PLCZ1: variants seen among roughly 807,000 people sequenced by gnomAD.
PLCZ1 encodes the protein 1-phosphatidylinositol 4,5-bisphosphate phosphodiesterase zeta-1.
Under a neutral mutation model 76.8 loss-of-function variants are expected in PLCZ1, and 64 were observed. That is an observed-to-expected ratio of 0.83 (90% CI 0.68 to 1.03). The LOEUF is 1.03. PLCZ1 is among the 50% of genes least tolerant of loss of function. PLCZ1 has a pLI of 0.00. For missense variants in PLCZ1, 751 were observed against 713.7 expected (o/e 1.05, Z -0.60); for synonymous variants, 248 against 230.8 (o/e 1.07, Z -0.68).
intron 4 of PLCZ1, among the ~76,000 whole-genome samples, chr12:18,721,655 T>C (rs1198952947): frequency 6.7e-6 from 1 of 150,052 alleles, no homozygotes; most frequent in Non-Finnish European, 1.5e-5. Context: ...GGCAATGACA[T>C]AAAGAGCTTG....
At chr12:18,686,295 G>A (rs181170413) in intron 13 of PLCZ1, among the ~76,000 whole-genome samples, 1 of 151,932 alleles carries the variant, frequency 6.6e-6, no homozygotes, top group African/African-American at 2.4e-5. Context: ...TAAAGTTATA[G>A]CCCTACTTAA....
chr12:18,721,416 G>A (rs2129504), intron 4 of PLCZ1, among the ~76,000 whole-genome samples: 67,118 of 151,808 alleles, frequency 0.44, 17,660 homozygotes, highest in East Asian at 0.66. Context: ...GGCTGTGTTG[G>A]AGAGTATTTG....
At chr12:18,684,096 G>T (rs1231116415) in intron 14 of PLCZ1, 34 bp downstream of exon 14, 15 of 1,604,506 alleles carry the variant, frequency 9.3e-6, no homozygotes, top group Non-Finnish European at 1.0e-5. Flanking sequence ...ATATTTAAAT[G>T]CTGGTACAAT....
intron 12 of PLCZ1, among the ~76,000 whole-genome samples, chr12:18,689,169 A>G (rs978409655): frequency 3.9e-5 from 6 of 152,140 alleles, no homozygotes; most frequent in African/African-American, 1.4e-4. Context: ...CCATAAACAT[A>G]TAGTACACTG....
At chr12:18,662,052 C>T in the PLCZ1 span, among the ~76,000 whole-genome samples, 4 of 152,086 alleles carry the variant, frequency 2.6e-5, no homozygotes, top group African/African-American at 4.8e-5. Context: ...CGTGTTCTCC[C>T]GTATTAAGTA....
the PLCZ1 span, among the ~76,000 whole-genome samples, chr12:18,655,700 T>C: frequency 0.79 from 119,934 of 151,456 alleles, 47,546 homozygotes; most frequent in Admixed American, 0.82. Flanking sequence ...AAAGTGGCAC[T>C]TTACCTCTGA....
chr12:18,692,634 A>G, intron 12 of PLCZ1: 1 of 597,922 alleles, frequency 1.7e-6, no homozygotes, highest in East Asian at 2.9e-5. Flanking sequence ...GCAATGGGGC[A>G]GGAGGACTAA....
chr12:18,708,807 T>C (rs768207736), intron 6 of PLCZ1, among the ~76,000 whole-genome samples: 1 of 152,206 alleles, frequency 6.6e-6, no homozygotes, highest in Admixed American at 6.5e-5. Context: ...CATTTTTATG[T>C]CTTCTTTGGA....
At chr12:18,678,030 T>C in the PLCZ1 span, among the ~76,000 whole-genome samples, 2,456 of 152,238 alleles carry the variant, frequency 0.016, 68 homozygotes, top group African/African-American at 0.057. Context: ...ATTGGTTAAA[T>C]GAATGACATT....
intron 10 of PLCZ1, among the ~76,000 whole-genome samples, chr12:18,699,486 C>A (rs1955590030): frequency 6.6e-6 from 1 of 152,128 alleles, no homozygotes; most frequent in Non-Finnish European, 1.5e-5. Context: ...GGCTCTGCCT[C>A]CCTCTGCAGC....
chr12:18,695,096 T>A lies in PLCZ1; in HGVS notation c.1292-17A>T. 6.2e-7 allele frequency: 1 copy of A among 1,608,082 alleles called. No homozygotes were observed. The highest frequency in any genetic ancestry group is 2.2e-5 in the East Asian group (1 of 44,734). ...TTAAAGCCACTGTAAGAAAGAAGTA[T>A]TTTGACATTGTCAGGTAATAGAGAA... On this transcript the variant is annotated splice_polypyrimidine_tract_variant and intron_variant, in intron 11 of 14. Transcript: ENST00000266505.
chr12:18,662,974 C>A, the PLCZ1 span, among the ~76,000 whole-genome samples: 79,561 of 151,658 alleles, frequency 0.52, 21,912 homozygotes, highest in South Asian at 0.67. Flanking sequence ...CATGTAGAAA[C>A]CAAATAGAAA....
At chr12:18,678,215 G>A (rs1013704948), downstream of PLCZ1, among the ~76,000 whole-genome samples, 9 of 152,110 alleles carry the variant, frequency 5.9e-5, no homozygotes, top group Admixed American at 2.6e-4. Flanking sequence ...GGCTAATACT[G>A]CTGTTAGAAC....
chr12:18,660,388 C>G, the PLCZ1 span, among the ~76,000 whole-genome samples: 3 of 152,118 alleles, frequency 2.0e-5, no homozygotes, highest in Non-Finnish European at 4.4e-5. Context: ...TGCAACTCCT[C>G]CTTTGTTGCA....
At chr12:18,698,341 T>A (rs928881209) in intron 10 of PLCZ1, among the ~76,000 whole-genome samples, 1 of 151,848 alleles carries the variant, frequency 6.6e-6, no homozygotes, top group Non-Finnish European at 1.5e-5. Context: ...TACTCTATTC[T>A]ATTCTATTAT....
intron 12 of PLCZ1, among the ~76,000 whole-genome samples, chr12:18,692,011 T>C (rs1954167851): frequency 6.6e-6 from 1 of 152,056 alleles, no homozygotes. Flanking sequence ...GAGTGTAGCT[T>C]CCCAAATCCT....
chr12:18,720,886 T>C (rs998470151), intron 4 of PLCZ1, among the ~76,000 whole-genome samples: 1 of 152,078 alleles, frequency 6.6e-6, no homozygotes, highest in Admixed American at 6.6e-5. Context: ...CATAAAAATA[T>C]AGTGATGTAA....
chr12:18,657,103 C>A, the PLCZ1 span, among the ~76,000 whole-genome samples: 131 of 152,096 alleles, frequency 8.6e-4, no homozygotes, highest in African/African-American at 3.1e-3. Context: ...TTTATTTTAA[C>A]GAACTCAAAT....
the PLCZ1 span, among the ~76,000 whole-genome samples, chr12:18,650,712 C>CTA: frequency 9.2e-3 from 134 of 14,570 alleles, 1 homozygote; most frequent in South Asian, 0.014. Context: ...GTGTATATAT[C>CTA]TATATATATA....
Sources: allele counts gnomAD v4.1 joint callset (sites outside exome capture counted in the v4.1 genomes callset), GRCh38; gene constraint gnomAD v4.1.1; transcripts MANE v1.5; gene names NCBI Gene and HGNC (gene_info 2026-07-23, HGNC 2026-07-21).